Variants in ELAVL4 observed in about 807,000 individuals in gnomAD.
ELAVL4 encodes ELAV-like protein 4.
ELAVL4 carries 1 observed loss-of-function variant against 35.6 expected under a neutral mutation model. That is an observed-to-expected ratio of 0.03 (90% CI 0.01 to 0.13). ELAVL4 has a LOEUF of 0.13. Ranked by LOEUF, ELAVL4 falls within the 10% of genes least tolerant of loss-of-function variation. The pLI is 1.00. For missense variants in ELAVL4, 267 were observed against 464.9 expected, an observed-to-expected ratio of 0.57 and a Z score of 3.91; for synonymous variants, 156 against 171.0, an observed-to-expected ratio of 0.91 and a Z score of 0.69.
intron 6 of ELAVL4, among the ~76,000 whole-genome samples, chr1:50,198,179 G>C (rs573603357): frequency 2.2e-4 from 34 of 152,266 alleles, no homozygotes; most frequent in African/African-American, 8.2e-4. Context: ...GGGGTTGGGG[G>C]CCCAGAGTCA....
intron 1 of ELAVL4, among the ~76,000 whole-genome samples, chr1:50,126,145 G>A (rs911786362): frequency 2.0e-5 from 3 of 152,118 alleles, no homozygotes; most frequent in African/African-American, 7.2e-5. Context: ...AGAGAAAAAT[G>A]AGAGCTACTT....
chr1:50,154,772 G>C (rs1675417104), intron 2 of ELAVL4, among the ~76,000 whole-genome samples: 1 of 151,846 alleles, frequency 6.6e-6, no homozygotes, highest in Non-Finnish European at 1.5e-5. Flanking sequence ...GTGTGTGTGT[G>C]TGTGTGTGTG....
At chr1:50,050,974 T>A (rs1663337874) in intron 1 of ELAVL4, among the ~76,000 whole-genome samples, 1 of 152,202 alleles carries the variant, frequency 6.6e-6, no homozygotes, top group African/African-American at 2.4e-5. Context: ...ATTCATCTTT[T>A]TTATAGGGCA....
At chr1:50,112,344 T>A (rs1029356432) in intron 1 of ELAVL4, among the ~76,000 whole-genome samples, 1 of 152,100 alleles carries the variant, frequency 6.6e-6, no homozygotes, top group Admixed American at 6.6e-5. Context: ...CTGTAAGAAG[T>A]GTCATCTTGG....
intron 2 of ELAVL4, among the ~76,000 whole-genome samples, chr1:50,171,204 C>T (rs1678944045): frequency 6.6e-6 from 1 of 152,114 alleles, no homozygotes; most frequent in Admixed American, 6.5e-5. Context: ...CATAGGTGCT[C>T]CAGAACCCCA....
At chr1:50,051,516 G>A (rs1032390656) in intron 1 of ELAVL4, among the ~76,000 whole-genome samples, 2 of 152,134 alleles carry the variant, frequency 1.3e-5, no homozygotes, top group Non-Finnish European at 2.9e-5. Context: ...AAGTTAAATT[G>A]TATATTCTCT....
At chr1:50,184,439 G>A (rs1681523106) in intron 3 of ELAVL4, among the ~76,000 whole-genome samples, 1 of 151,656 alleles carries the variant, frequency 6.6e-6, no homozygotes, top group Admixed American at 6.6e-5. Context: ...GTTGTGTTGG[G>A]AGAATTATGG....
At chr1:50,150,589 G>A (rs974889561) in intron 2 of ELAVL4, among the ~76,000 whole-genome samples, 1 of 152,156 alleles carries the variant, frequency 6.6e-6, no homozygotes, top group Non-Finnish European at 1.5e-5. Context: ...TTTGAGTCAT[G>A]ACAGAGTACA....
At chr1:50,174,876 C>T (rs1322325542) in intron 2 of ELAVL4, 3 of 152,096 alleles carry the variant, frequency 2.0e-5, no homozygotes, top group African/African-American at 4.8e-5. Context: ...ATGATTCCTC[C>T]ACATATATTC....
chr1:50,143,786 C>T (rs1005411120), intron 1 of ELAVL4, among the ~76,000 whole-genome samples: 3 of 152,050 alleles, frequency 2.0e-5, no homozygotes, highest in Non-Finnish European at 4.4e-5. Context: ...CGGGTGCAGG[C>T]CTGGACTTTG....
chr1:50,123,015 T>C (rs1225017112), intron 1 of ELAVL4, among the ~76,000 whole-genome samples: 1 of 152,090 alleles, frequency 6.6e-6, no homozygotes, highest in Non-Finnish European at 1.5e-5. Flanking sequence ...GCTGAATATC[T>C]GGTGAATGTG....
At chr1:50,051,850 T>C (rs1432054303) in intron 1 of ELAVL4, among the ~76,000 whole-genome samples, 1 of 152,214 alleles carries the variant, frequency 6.6e-6, no homozygotes, top group Non-Finnish European at 1.5e-5. Context: ...AAATTTATTT[T>C]CTCACAGTTC....
intron 1 of ELAVL4, among the ~76,000 whole-genome samples, chr1:50,089,010 A>G (rs902659732): frequency 6.6e-6 from 1 of 152,212 alleles, no homozygotes; most frequent in Non-Finnish European, 1.5e-5. Context: ...AACCCATGGC[A>G]AGGCTTGAAG....
At chr1:50,160,003 C>T (rs936994092) in intron 2 of ELAVL4, among the ~76,000 whole-genome samples, 4 of 152,132 alleles carry the variant, frequency 2.6e-5, no homozygotes, top group Non-Finnish European at 2.9e-5. Context: ...TCACACTAGG[C>T]ATTTTTTTGA....
chr1:50,200,682 A>G, intron 6 of ELAVL4, 169 bp from the exon 7 acceptor site: 2 of 1,331,196 alleles, frequency 1.5e-6, no homozygotes, highest in East Asian at 2.3e-5. Flanking sequence ...CATTCCCATC[A>G]GAGGAAATGA....
In ELAVL4 at chr1:50,201,261, G is replaced by T. The variant is rs1277215747; in HGVS notation, c.*83G>T. ...CGCGCACACACACACATACACGAAA[G>T]AGAGAGAAACAAACTTTTCAAGGCT... On this transcript the variant is annotated 3_prime_UTR_variant, in exon 7 of 7. Coordinates refer to ENST00000371824, the MANE Select transcript of ELAVL4 (RefSeq NM_001144774.3). This position sits in a 1 kb window ranked among gnomAD's most constrained non-coding sequence, Gnocchi z 4.3. The T allele has an allele frequency of 3.5e-6, 5 of 1,415,256 alleles. No individual in the cohort carries two copies. Among genetic ancestry groups the T allele is most frequent in the Non-Finnish European group, 4.6e-6 (5 of 1,080,238 alleles). The allele number at this position is 1,415,256 out of a possible 1,614,324, so 87.7% of individuals were successfully genotyped here.
At chr1:50,144,067 A>G (rs997612521) in intron 1 of ELAVL4, among the ~76,000 whole-genome samples, 1 of 152,168 alleles carries the variant, frequency 6.6e-6, no homozygotes, top group Non-Finnish European at 1.5e-5. Flanking sequence ...TCTGTATTGC[A>G]TGATCACTGC....
chr1:50,086,678 A>G (rs1665261086), intron 1 of ELAVL4, among the ~76,000 whole-genome samples: 1 of 151,984 alleles, frequency 6.6e-6, no homozygotes, highest in Non-Finnish European at 1.5e-5. Flanking sequence ...TAAGAGATAT[A>G]TTTTCAGAGC....
intron 1 of ELAVL4, among the ~76,000 whole-genome samples, chr1:50,089,954 T>G (rs997733854): frequency 3.9e-5 from 6 of 152,040 alleles, no homozygotes; most frequent in Non-Finnish European, 7.4e-5. Flanking sequence ...CCTAAGAGAT[T>G]CAGATGTTTA....
Sources: allele counts gnomAD v4.1 joint callset (sites outside exome capture counted in the v4.1 genomes callset), GRCh38; gene constraint gnomAD v4.1.1; non-coding constraint Gnocchi (gnomAD v3.1); transcripts MANE v1.5; gene names NCBI Gene and HGNC (gene_info 2026-07-23, HGNC 2026-07-21).